The following AHNAK2 variants were observed in gnomAD, a reference collection of about 807,000 sequenced individuals.
AHNAK2 encodes protein AHNAK2.
A neutral mutation model predicts 30.7 loss-of-function variants in AHNAK2; 18 were observed. The observed-to-expected ratio is 0.59, with a 90% confidence interval of 0.41 to 0.87. The LOEUF is 0.87. Ranked by LOEUF, AHNAK2 falls within the 40% of genes least tolerant of loss-of-function variation. The pLI, the probability that AHNAK2 is intolerant of heterozygous loss-of-function variation, is 0.00. For synonymous variants in AHNAK2, 3,590 were observed against 3,073.8 expected (o/e 1.17, Z -5.56); for missense variants, 8,604 against 7,373.0 (o/e 1.17, Z -6.11).
At position 104,939,249 on chromosome 14, in the gene AHNAK2, G is replaced by C. The variant is rs1425503615; in HGVS notation, c.16202C>G (p.Ser5401Ter). ...VPRFSFPAPS[S>*]EDDVFIPTVR... ...AGTGGGGATGAACACATCATCCTCT[G>C]AGCTGGGGGCAGGGAAGGAGAACCT... The change falls in exon 7 of 7, where the codon TCA (serine) becomes TGA (stop). Residue 5401 changes from serine (S) to a stop codon, truncating the protein, a stop_gained. Transcript: ENST00000333244. LOFTEE classifies it low-confidence loss of function (END_TRUNC). 3.1e-6 allele frequency: 5 copies of C among 1,613,790 alleles called. No homozygotes were observed. In the African/African-American group the frequency reaches 6.7e-5, roughly 22 times the overall value.
chr14:104,940,925 A>G lies in AHNAK2; in HGVS notation c.14526T>C (p.Ala4842=). 6.2e-7 allele frequency: 1 copy of G among 1,612,742 alleles called. No homozygotes were observed. Among genetic ancestry groups the G allele is most frequent in the Non-Finnish European group, 8.5e-7 (1 of 1,179,668 alleles). ...QPPEGVPTSQ[A]ESHSGPLNSM... ...AATTCAGTGGGCCAGAGTGACTCTC[A>G]GCTTGAGATGTTGGAACTCCCTCTG... Residue 4842 remains alanine, a synonymous_variant, in exon 7 of 7, where the codon GCT becomes GCC. Transcript: ENST00000333244. This position sits in a 1 kb window ranked among gnomAD's most constrained non-coding sequence, Gnocchi z 4.4.
At position 104,941,576 on chromosome 14, in the gene AHNAK2, GTC is replaced by G. The variant is rs767891365; in HGVS notation, c.13873_13874del (p.Asp4625GlnfsTer2). 1 of 1,613,216 alleles carries G rather than the reference GTC, an allele frequency of 6.2e-7. No individual in the cohort carries two copies. Among genetic ancestry groups the G allele is most frequent in the Non-Finnish European group, 8.5e-7 (1 of 1,179,892 alleles). ...SLAHEDVAGK[D>X]SKFQGPKLST... ...TCAGTTTTGGTCCTTGAAACTTACT[GTC>G]TTTCCCAGCTACATCCTCGTGGGCC... On this transcript the variant is annotated frameshift_variant, in exon 7 of 7. Coordinates refer to ENST00000333244, the MANE Select transcript of AHNAK2 (RefSeq NM_138420.4). LOFTEE classifies it low-confidence loss of function (END_TRUNC).
intron 1 of AHNAK2, among the ~76,000 whole-genome samples, chr14:104,977,411 C>A (rs1899622382): frequency 6.6e-6 from 1 of 152,206 alleles, no homozygotes; most frequent in Non-Finnish European, 1.5e-5. Context: ...GGTACACATG[C>A]CGTAGCCTGC....
chr14:104,955,110 A>G lies in AHNAK2; in HGVS notation c.498T>C (p.Phe166=). Residue 166 remains phenylalanine, a synonymous_variant, in exon 6 of 7, where the codon TTT becomes TTC. Transcript: ENST00000333244. ...GDQLLSTTVF[F]ENIKYEDALK... ...GAGCATCTTCATATTTTATGTTTTC[A>G]AAGAACACGGTTGTACTGAGCAGCT... The G allele has an allele frequency of 6.2e-7, 1 of 1,612,644 alleles. No individual in the cohort carries two copies. The highest frequency in any genetic ancestry group is 8.5e-7 in the Non-Finnish European group (1 of 1,179,788).
chr14:104,974,983 A>G (rs1375173752), intron 1 of AHNAK2, among the ~76,000 whole-genome samples: 5 of 152,204 alleles, frequency 3.3e-5, no homozygotes, highest in Non-Finnish European at 7.3e-5. Context: ...AGGTGTCACA[A>G]GAGGAAGGAC....
chr14:104,949,909 C>G lies in AHNAK2; in HGVS notation c.5542G>C (p.Val1848Leu), dbSNP rs765960602. The part of the protein sequence containing the change: ...PGKSIEASVD[V>L]SAPKVEAEVS... ...TCGGCCTCCACCTTCGGCGCAGACA[C>G]ATCCACCGAGGCCTCGATGGACTTG... The change falls in exon 7 of 7, where the codon GTG (valine) becomes CTG (leucine). Residue 1848 changes from valine to leucine, a missense_variant. Transcript: ENST00000333244. 4.2e-5 allele frequency: 66 copies of G among 1,589,650 alleles called. 3 individuals carry two copies. The African/African-American group carries it at 6.7e-4, about 16-fold the overall frequency.
intron 1 of AHNAK2, among the ~76,000 whole-genome samples, chr14:104,968,234 C>T (rs1416958285): frequency 6.6e-6 from 1 of 152,188 alleles, no homozygotes; most frequent in East Asian, 1.9e-4. Context: ...CAGGTCAGTC[C>T]CTTGCATGCC....
At chr14:104,964,700 G>A (rs1899250122) in intron 1 of AHNAK2, among the ~76,000 whole-genome samples, 2 of 152,210 alleles carry the variant, frequency 1.3e-5, no homozygotes, top group Non-Finnish European at 2.9e-5. Context: ...TATAAAAAGC[G>A]CTCGTACCGG....
Position 104,954,609 on chromosome 14 carries a change from G to A in AHNAK2, c.842C>T (p.Ser281Leu), listed in dbSNP as rs571215617. The change falls in exon 7 of 7, where the codon TCG becomes TTG. Residue 281 changes from serine to leucine, a missense_variant. Ser to Leu is a moderately radical substitution (Grantham distance 145). Transcript: ENST00000333244. This position sits in a 1 kb window ranked among gnomAD's most constrained non-coding sequence, Gnocchi z 4.3. Reference sequence around the variant, plus strand: ...GTCCCTAGGTTCGTAGGCCTCTGACGAGCTGTGTGACCTCTGGGGTCCCGG... The same window carrying A: ...GTCCCTAGGTTCGTAGGCCTCTGACAAGCTGTGTGACCTCTGGGGTCCCGG... ...RGPGPQRSHS[S>L]SEAYEPRDAH... 29 of 1,611,706 alleles carry A rather than the reference G, an allele frequency of 1.8e-5. No homozygotes were observed. Among genetic ancestry groups the A allele is most frequent in the Middle Eastern group, 1.7e-4 (1 of 6,056 alleles).
chr14:104,939,078 G>A lies in AHNAK2; in HGVS notation c.16373C>T (p.Pro5458Leu). ...PVDLNLPLEA[P>L]PISKVRVHIQ... Reference sequence around the variant, plus strand: ...ATGCACTCTGACCTTTGAAATTGGGGGAGCTTCCAAAGGCAGGTTAAGGTC... The same window carrying A: ...ATGCACTCTGACCTTTGAAATTGGGAGAGCTTCCAAAGGCAGGTTAAGGTC... The change falls in exon 7 of 7, where the codon CCC becomes CTC. Residue 5458 changes from proline (P) to leucine (L), a missense_variant. Pro to Leu is a moderately conservative substitution (Grantham distance 98). Transcript: ENST00000333244. 6.2e-7 allele frequency: 1 copy of A among 1,604,022 alleles called. No individual in the cohort carries two copies. Among genetic ancestry groups the A allele is most frequent in the Non-Finnish European group, 8.5e-7 (1 of 1,175,236 alleles).
chr14:104,957,091 C>G (rs899503039), intron 3 of AHNAK2, among the ~76,000 whole-genome samples: 1 of 152,240 alleles, frequency 6.6e-6, no homozygotes, highest in African/African-American at 2.4e-5. Flanking sequence ...TCCCCAAAGA[C>G]AGCATGAGTG....
Position 104,948,886 on chromosome 14 carries a change from G to A in AHNAK2, c.6565C>T (p.Leu2189Phe), listed in dbSNP as rs1898477065. The A allele has an allele frequency of 6.2e-7, 1 of 1,608,488 alleles. No homozygotes were observed. The highest frequency in any genetic ancestry group is 8.5e-7 in the Non-Finnish European group (1 of 1,177,646). The change falls in exon 7 of 7, where the codon CTC becomes TTC. Residue 2189 changes from leucine to phenylalanine, a missense_variant. Coordinates refer to ENST00000333244, the MANE Select transcript of AHNAK2 (RefSeq NM_138420.4). ...SPPKVEADMS[L>F]PSMQGDLKTT... The stretch of plus-strand genomic sequence containing the variant: ...TTGAGGTCCCCCTGCATGGAGGGGA[G>A]ACTCATGTCGGCCTCCACCTTGGGT...
chr14:104,971,740 C>CA (rs1899477758), intron 1 of AHNAK2, among the ~76,000 whole-genome samples: 1 of 152,240 alleles, frequency 6.6e-6, no homozygotes, highest in South Asian at 2.1e-4. Context: ...TCTGGGCAGC[C>CA]AGGAGGCTCC....
At chr14:104,967,016 G>A (rs1899322729) in intron 1 of AHNAK2, among the ~76,000 whole-genome samples, 1 of 152,168 alleles carries the variant, frequency 6.6e-6, no homozygotes, top group African/African-American at 2.4e-5. Context: ...GCAGGGCTGG[G>A]GGCAGAGGAG....
intron 1 of AHNAK2, among the ~76,000 whole-genome samples, chr14:104,977,296 G>A (rs1438673285): frequency 2.6e-5 from 4 of 152,178 alleles, no homozygotes; most frequent in Non-Finnish European, 1.5e-5. Flanking sequence ...TAGACCCAGC[G>A]CCCAAGGGAC....
Position 104,947,734 on chromosome 14 carries a change from T to A in AHNAK2, c.7717A>T (p.Ser2573Cys). The A allele has an allele frequency of 6.2e-7, 1 of 1,612,528 alleles. No homozygotes were observed. The highest frequency in any genetic ancestry group is 8.5e-7 in the Non-Finnish European group (1 of 1,179,532). ...AGGTCCATTTCAGGCATCTTGAAAC[T>A]GGGCATCTGCACCTTGGGCAGGTGC... ...KGHLPKVQMPSFKMPEMDLKG... is the reference protein window; with the variant it reads ...KGHLPKVQMPCFKMPEMDLKG... Residue 2573 changes from serine (S) to cysteine (C), a missense_variant, in exon 7 of 7, where the codon AGT becomes TGT. Physicochemically the swap from Ser to Cys is moderately radical, Grantham distance 112 (BLOSUM62 -1). Coordinates refer to ENST00000333244, the MANE Select transcript of AHNAK2 (RefSeq NM_138420.4).
Position 104,941,199 on chromosome 14 carries a change from G to A in AHNAK2, c.14252C>T (p.Ala4751Val), listed in dbSNP as rs756161868. The change falls in exon 7 of 7, where the codon GCT (alanine) becomes GTT (valine). Residue 4751 changes from alanine (A) to valine (V), a missense_variant. Coordinates refer to ENST00000333244, the MANE Select transcript of AHNAK2 (RefSeq NM_138420.4). ...CSSFELQQVS[A>V]CSEPSMQMPK... ...CATCTGCATGGATGGCTCTGAACAA[G>A]CCGAAACCTGTTGTAATTCAAAACT... The A allele has an allele frequency of 1.2e-6, 2 of 1,613,604 alleles. No individual in the cohort carries two copies.
Position 104,946,465 on chromosome 14 carries a change from A to T in AHNAK2, c.8986T>A (p.Ser2996Thr). ...PSFGVSAPGKSIEVSVDVSAP... is the reference protein window; with the variant it reads ...PSFGVSAPGKTIEVSVDVSAP... ...GACACATCCACCGAGACCTCAATGG[A>T]CTTGCCTGGGGCAGACACCCCGAAC... is the stretch of plus-strand genomic sequence containing the variant. Residue 2996 changes from serine (S) to threonine (T), a missense_variant, in exon 7 of 7, where the codon TCC (serine) becomes ACC (threonine). Coordinates refer to ENST00000333244, the MANE Select transcript of AHNAK2 (RefSeq NM_138420.4). 6.2e-7 allele frequency: 1 copy of T among 1,611,632 alleles called. No homozygotes were observed. The highest frequency in any genetic ancestry group is 8.5e-7 in the Non-Finnish European group (1 of 1,179,280).
chr14:104,968,930 C>T (rs1004159022), intron 1 of AHNAK2, among the ~76,000 whole-genome samples: 4 of 152,304 alleles, frequency 2.6e-5, no homozygotes, highest in African/African-American at 9.6e-5. Context: ...TCACTGCCCT[C>T]GGGCTGGAAA....
Sources: gnomAD v4.1 joint callset for allele counts (sites outside exome capture counted in the v4.1 genomes callset) on GRCh38, gnomAD v4.1.1 for gene constraint, Gnocchi (gnomAD v3.1) non-coding constraint, MANE v1.5 for transcripts, NCBI Gene and HGNC (gene_info 2026-07-23, HGNC 2026-07-21) for gene names.